ZNF804A: variants seen among roughly 807,000 people sequenced by gnomAD.
ZNF804A encodes the protein zinc finger protein 804A.
ZNF804A carries 2 observed loss-of-function variants against 16.5 expected under a neutral mutation model. The observed-to-expected ratio is 0.12, with a 90% CI of 0.05 to 0.38. ZNF804A has a LOEUF of 0.38. ZNF804A is among the 10% of genes least tolerant of loss of function. ZNF804A has a pLI of 0.99. For synonymous variants in ZNF804A, 534 were observed against 489.6 expected (o/e 1.09, Z -1.20); for missense variants, 1,473 against 1,390.7 (o/e 1.06, Z -0.94).
intron 1 of ZNF804A, among the ~76,000 whole-genome samples, chr2:184,772,960 T>C (rs866031646): frequency 3.8e-5 from 5 of 133,264 alleles, no homozygotes; most frequent in Admixed American, 7.1e-5. Context: ...TATATACATA[T>C]ACATATATAT....
At chr2:184,839,600 T>A (rs1274379280) in intron 1 of ZNF804A, among the ~76,000 whole-genome samples, 5 of 152,096 alleles carry the variant, frequency 3.3e-5, no homozygotes, top group African/African-American at 1.2e-4. Flanking sequence ...TAAAATAATT[T>A]TGGCAGTACA....
At chr2:184,613,958 A>G (rs1408447656) in intron 1 of ZNF804A, among the ~76,000 whole-genome samples, 2 of 152,208 alleles carry the variant, frequency 1.3e-5, no homozygotes, top group African/African-American at 4.8e-5. Context: ...TGGAACCAAA[A>G]AAGAGCTGGT....
chr2:184,605,240 A>G (rs1265497015), intron 1 of ZNF804A, among the ~76,000 whole-genome samples: 1 of 152,170 alleles, frequency 6.6e-6, no homozygotes, highest in African/African-American at 2.4e-5. Flanking sequence ...GATAGCAGTT[A>G]TAATCTATGG....
chr2:184,767,231 A>G (rs1431352138), intron 1 of ZNF804A, among the ~76,000 whole-genome samples: 1 of 152,310 alleles, frequency 6.6e-6, no homozygotes, highest in East Asian at 1.9e-4. Flanking sequence ...GATAGACATA[A>G]TGGAGTATAT....
At chr2:184,683,129 A>G (rs1692568886) in intron 1 of ZNF804A, among the ~76,000 whole-genome samples, 1 of 152,192 alleles carries the variant, frequency 6.6e-6, no homozygotes. Context: ...TATCTATTTT[A>G]TCTAATTTTC....
chr2:184,617,353 T>A (rs891236180), intron 1 of ZNF804A, among the ~76,000 whole-genome samples: 1 of 152,040 alleles, frequency 6.6e-6, no homozygotes, highest in South Asian at 2.1e-4. Context: ...TAATTTACAA[T>A]GTATGCTGTT....
chr2:184,835,365 A>C (rs1280886933), intron 1 of ZNF804A, among the ~76,000 whole-genome samples: 2 of 152,152 alleles, frequency 1.3e-5, no homozygotes, highest in African/African-American at 4.8e-5. Flanking sequence ...TTGCAAATTA[A>C]AGGGCAGATT....
chr2:184,622,547 C>A (rs1328494925), intron 1 of ZNF804A, among the ~76,000 whole-genome samples: 2 of 151,798 alleles, frequency 1.3e-5, no homozygotes, highest in Non-Finnish European at 2.9e-5. Flanking sequence ...CTTCAATAGA[C>A]TTTCATTCTA....
intron 1 of ZNF804A, among the ~76,000 whole-genome samples, chr2:184,745,168 T>G (rs1471439789): frequency 6.6e-6 from 1 of 151,846 alleles, no homozygotes; most frequent in African/African-American, 2.4e-5. Flanking sequence ...ATAGATAATA[T>G]GCACAATGCC....
At chr2:184,839,884 C>A (rs1022503104) in intron 1 of ZNF804A, among the ~76,000 whole-genome samples, 2 of 152,030 alleles carry the variant, frequency 1.3e-5, no homozygotes, top group Admixed American at 6.6e-5. Flanking sequence ...GGTGGCCTGA[C>A]CTGAGTTATT....
At chr2:184,667,782 G>A (rs892919620) in intron 1 of ZNF804A, among the ~76,000 whole-genome samples, 2 of 151,764 alleles carry the variant, frequency 1.3e-5, no homozygotes, top group Non-Finnish European at 1.5e-5. Flanking sequence ...ACATATAAGA[G>A]AATTCTTGTG....
chr2:184,714,913 T>C (rs1693189877), intron 1 of ZNF804A, among the ~76,000 whole-genome samples: 1 of 152,170 alleles, frequency 6.6e-6, no homozygotes, highest in Admixed American at 6.6e-5. Context: ...CTGGCATTAC[T>C]GCTTTCCTTT....
intron 1 of ZNF804A, among the ~76,000 whole-genome samples, chr2:184,614,357 T>C (rs1468711853): frequency 6.6e-6 from 1 of 152,186 alleles, no homozygotes; most frequent in Non-Finnish European, 1.5e-5. Flanking sequence ...GGCAGTACCA[T>C]TCAGGACATA....
At position 184,598,756 on chromosome 2, in the gene ZNF804A, G is replaced by A. The variant is rs1690993459; in HGVS notation, c.-204G>A. On this transcript the variant is annotated 5_prime_UTR_variant, in exon 1 of 4. Coordinates refer to ENST00000302277, the MANE Select transcript of ZNF804A (RefSeq NM_194250.2). Reference sequence around the variant, plus strand: ...ACAGGAGCGAGAGACTGAGGGGAGAGCGCGGCGAGCATGCGGAGGCGGGGG... The same window carrying A: ...ACAGGAGCGAGAGACTGAGGGGAGAACGCGGCGAGCATGCGGAGGCGGGGG... The A allele has an allele frequency of 6.5e-5, 24 of 367,046 alleles. No homozygotes were observed. In the East Asian group the frequency reaches 8.2e-4, roughly 13 times the overall value. The allele number at this position is 367,046 out of a possible 1,614,324, so 22.7% of individuals were successfully genotyped here.
intron 1 of ZNF804A, among the ~76,000 whole-genome samples, chr2:184,709,512 T>G (rs2105735837): frequency 6.6e-6 from 1 of 152,062 alleles, no homozygotes; most frequent in Non-Finnish European, 1.5e-5. Context: ...AAGGCTGATA[T>G]TTCCTGACTA....
chr2:184,812,935 A>G (rs1694923308), intron 1 of ZNF804A, among the ~76,000 whole-genome samples: 3 of 152,200 alleles, frequency 2.0e-5, no homozygotes, highest in South Asian at 2.1e-4. Flanking sequence ...ACAAGGCACC[A>G]GTATTAAAGT....
chr2:184,851,745 T>G (rs1695606231), intron 1 of ZNF804A, among the ~76,000 whole-genome samples: 1 of 151,946 alleles, frequency 6.6e-6, no homozygotes, highest in Non-Finnish European at 1.5e-5. Context: ...TATTTTTTAA[T>G]GTTTGAGGAA....
chr2:184,939,127 A>T lies in ZNF804A; in HGVS notation c.*101A>T. ...CATGGCTATTTAACTGGTGGAAATA[A>T]ACTGGCCGATACATGGCGTCATTGG... On this transcript the variant is annotated 3_prime_UTR_variant, in exon 4 of 4. Coordinates refer to ENST00000302277, the MANE Select transcript of ZNF804A (RefSeq NM_194250.2). The T allele has an allele frequency of 7.0e-7, 1 of 1,435,946 alleles. No individual in the cohort carries two copies. The highest frequency in any genetic ancestry group is 9.4e-7 in the Non-Finnish European group (1 of 1,062,580). The allele number at this position is 1,435,946 out of a possible 1,614,324, so 89.0% of individuals were successfully genotyped here.
At chr2:184,887,156 C>G (rs1038908472) in intron 2 of ZNF804A, among the ~76,000 whole-genome samples, 1 of 152,220 alleles carries the variant, frequency 6.6e-6, no homozygotes, top group African/African-American at 2.4e-5. Context: ...TCATCTCTCT[C>G]AAGTTCAAAG....
Sources: allele counts gnomAD v4.1 joint callset (sites outside exome capture counted in the v4.1 genomes callset), GRCh38; gene constraint gnomAD v4.1.1; transcripts MANE v1.5; gene names NCBI Gene and HGNC (gene_info 2026-07-23, HGNC 2026-07-21).